The following KIF26B variants were observed in gnomAD, a reference collection of about 807,000 sequenced individuals.
The protein encoded by KIF26B is kinesin family member 26B.
A neutral mutation model predicts 151.2 loss-of-function variants in KIF26B; 63 were observed. That is an observed-to-expected ratio of 0.42 (90% CI 0.34 to 0.51). The LOEUF is 0.51. Ranked by LOEUF, KIF26B falls within the 20% of genes least tolerant of loss-of-function variation. KIF26B has a pLI of 0.07. For missense variants in KIF26B, 2,813 were observed against 2,913.6 expected (o/e 0.97, Z 0.79); for synonymous variants, 1,357 against 1,262.1 (o/e 1.08, Z -1.59).
intron 4 of KIF26B, among the ~76,000 whole-genome samples, chr1:245,436,908 T>G (rs1053596519): frequency 4.1e-5 from 6 of 146,158 alleles, no homozygotes; most frequent in African/African-American, 1.5e-4. Flanking sequence ...TTTTTTTTTT[T>G]GTGAGTCTTG....
At position 245,495,162 on chromosome 1, in the gene KIF26B, T is replaced by A. The variant is rs4623739; in HGVS notation, c.1167-45605T>A. 0.033 allele frequency among the ~76,000 whole-genome samples: 5,041 copies of A among 152,090 alleles called. 132 individuals carry two copies. The highest frequency in any genetic ancestry group is 0.05 in the Non-Finnish European group (3,384 of 67,972). ...CAGATTAGATTTAGTACAAGACAGA[T>A]TCAGTGAAATGGAATGCAAATCAGT... On this transcript the variant is annotated intron_variant, in intron 4 of 14. Coordinates refer to ENST00000407071, the MANE Select transcript of KIF26B (RefSeq NM_018012.4). The surrounding 1 kb of genome is among the most constrained non-coding windows in gnomAD (Gnocchi z 4.2).
chr1:245,393,437 T>C (rs1673747969), intron 3 of KIF26B, among the ~76,000 whole-genome samples: 1 of 152,218 alleles, frequency 6.6e-6, no homozygotes, highest in African/African-American at 2.4e-5. Context: ...TCTTCCTGTA[T>C]TGTTTCTCCT....
chr1:245,351,845 T>C (rs1386402252), intron 2 of KIF26B, among the ~76,000 whole-genome samples: 2 of 151,690 alleles, frequency 1.3e-5, no homozygotes, highest in Non-Finnish European at 2.9e-5. Context: ...CCATAAAGGT[T>C]GAGACCATGT....
chr1:245,596,276 G>T (rs1443713055), intron 5 of KIF26B, among the ~76,000 whole-genome samples: 9 of 152,140 alleles, frequency 5.9e-5, no homozygotes, highest in Non-Finnish European at 1.2e-4. Context: ...GATCTTTCCT[G>T]CTTTCTCCTG....
chr1:245,365,161 C>T lies in KIF26B; in HGVS notation c.466-1673C>T, dbSNP rs529335929. On this transcript the variant is annotated intron_variant, in intron 2 of 14. Coordinates refer to ENST00000407071, the MANE Select transcript of KIF26B (RefSeq NM_018012.4). ...AGGGGCCGTTTCAGGTCCTGCTACACGCTCTGAGTTGTGATTAGAGACTCT... is the reference window on the plus strand; with the variant it reads ...AGGGGCCGTTTCAGGTCCTGCTACATGCTCTGAGTTGTGATTAGAGACTCT... 2.6e-4 allele frequency among the ~76,000 whole-genome samples: 39 copies of T among 152,346 alleles called. No individual in the cohort carries two copies. The South Asian group carries it at 4.1e-3, about 16-fold the overall frequency.
At chr1:245,608,961 C>T (rs1197343348) in intron 7 of KIF26B, among the ~76,000 whole-genome samples, 1 of 152,036 alleles carries the variant, frequency 6.6e-6, no homozygotes, top group Non-Finnish European at 1.5e-5. Context: ...CGTATGTTGC[C>T]CAGACTGGCC....
At chr1:245,224,266 CA>C (rs1445403133) in intron 2 of KIF26B, among the ~76,000 whole-genome samples, 1 of 139,726 alleles carries the variant, frequency 7.2e-6, no homozygotes. Context: ...GCCTGGGCAA[CA>C]AGAGCAAAAC....
At position 245,352,991 on chromosome 1, in the gene KIF26B, T is replaced by G. The variant is rs1284713150; in HGVS notation, c.466-13843T>G. On this transcript the variant is annotated intron_variant, in intron 2 of 14. Coordinates refer to ENST00000407071, the MANE Select transcript of KIF26B (RefSeq NM_018012.4). This position sits in a 1 kb window ranked among gnomAD's most constrained non-coding sequence, Gnocchi z 5.0. Reference sequence around the variant, plus strand: ...GATTATCACGTTAGAGGTTTTGGAGTTGTAGTGGCTATCGTTTTAAGTTTC... The same window carrying G: ...GATTATCACGTTAGAGGTTTTGGAGGTGTAGTGGCTATCGTTTTAAGTTTC... Among the ~76,000 whole-genome samples the G allele has an allele frequency of 1.3e-5, 2 of 152,138 alleles. No individual in the cohort carries two copies. Among genetic ancestry groups the G allele is most frequent in the Non-Finnish European group, 2.9e-5 (2 of 68,020 alleles).
intron 4 of KIF26B, among the ~76,000 whole-genome samples, chr1:245,429,710 T>C (rs1007838156): frequency 1.3e-5 from 2 of 152,070 alleles, no homozygotes; most frequent in African/African-American, 4.8e-5. Flanking sequence ...ACCTCCTGGG[T>C]TCAAGCAATT....
chr1:245,623,954 G>A (rs891940861), intron 9 of KIF26B, among the ~76,000 whole-genome samples: 1 of 152,116 alleles, frequency 6.6e-6, no homozygotes, highest in East Asian at 1.9e-4. Context: ...CCAGTGTTGG[G>A]GGAGGGACCT....
intron 5 of KIF26B, among the ~76,000 whole-genome samples, chr1:245,556,312 C>CCTT (rs1303808062): frequency 1.1e-5 from 1 of 93,112 alleles, no homozygotes; most frequent in Non-Finnish European, 2.4e-5. Flanking sequence ...TCCTCCTCCT[C>CCTT]CTTCTTCTTC....
At chr1:245,157,730 G>C (rs1342581284) in intron 2 of KIF26B, among the ~76,000 whole-genome samples, 2 of 152,214 alleles carry the variant, frequency 1.3e-5, no homozygotes, top group Non-Finnish European at 2.9e-5. Context: ...TGAACTCGTG[G>C]ATGGTTGTCA....
At chr1:245,272,873 T>A (rs1336153097) in intron 2 of KIF26B, among the ~76,000 whole-genome samples, 1 of 152,186 alleles carries the variant, frequency 6.6e-6, no homozygotes, top group Non-Finnish European at 1.5e-5. Flanking sequence ...TCCATTGTGG[T>A]TGAAAAAAAT....
intron 2 of KIF26B, among the ~76,000 whole-genome samples, chr1:245,209,960 G>C (rs1346242757): frequency 6.6e-6 from 1 of 152,232 alleles, no homozygotes; most frequent in Non-Finnish European, 1.5e-5. Flanking sequence ...GAAGGTGACT[G>C]TTAACCTGTG....
At chr1:245,301,844 T>C (rs1427225287) in intron 2 of KIF26B, among the ~76,000 whole-genome samples, 1 of 152,172 alleles carries the variant, frequency 6.6e-6, no homozygotes, top group African/African-American at 2.4e-5. Context: ...TATCAATAAG[T>C]GTGAAGATTG....
Position 245,196,818 on chromosome 1 carries a change from G to T in KIF26B, c.465+40135G>T, listed in dbSNP as rs143325102. On this transcript the variant is annotated intron_variant, in intron 2 of 14. Transcript: ENST00000407071. ...AAATGATTGCCGGTCACCTCAAATG[G>T]TTCCGAGCATACCCTGCTTTGACCA... Among the ~76,000 whole-genome samples the T allele has an allele frequency of 2.6e-4, 39 of 152,294 alleles. No individual in the cohort carries two copies. In the East Asian group the frequency reaches 7.5e-3, roughly 29 times the overall value.
At chr1:245,249,075 A>G (rs557867384) in intron 2 of KIF26B, among the ~76,000 whole-genome samples, 5 of 152,266 alleles carry the variant, frequency 3.3e-5, no homozygotes, top group South Asian at 4.1e-4. Flanking sequence ...GCAGCTGTCT[A>G]TAACAGGTGG....
At chr1:245,392,499 A>G (rs1397001384) in intron 3 of KIF26B, among the ~76,000 whole-genome samples, 2 of 152,166 alleles carry the variant, frequency 1.3e-5, no homozygotes, top group Admixed American at 1.3e-4. Flanking sequence ...TTGGCTTGAT[A>G]TTAGAGTTCT....
chr1:245,679,461 T>TGG (rs2044402074), intron 10 of KIF26B, among the ~76,000 whole-genome samples: 5 of 101,312 alleles, frequency 4.9e-5, no homozygotes, highest in East Asian at 2.4e-4. Flanking sequence ...GTGTGTGTTT[T>TGG]TTTTTTTTTT....
Sources: gnomAD v4.1 joint callset for allele counts (sites outside exome capture counted in the v4.1 genomes callset) on GRCh38, gnomAD v4.1.1 for gene constraint, Gnocchi (gnomAD v3.1) non-coding constraint, MANE v1.5 for transcripts, NCBI Gene and HGNC (gene_info 2026-07-23, HGNC 2026-07-21) for gene names.